The following TMEM11 variants were observed in gnomAD, a reference collection of about 807,000 sequenced individuals.
TMEM11 encodes the protein transmembrane protein 11, mitochondrial.
TMEM11 carries 1 observed loss-of-function variant against 17.0 expected under a neutral mutation model. The observed-to-expected ratio is 0.06, with a 90% confidence interval of 0.02 to 0.28. The LOEUF is 0.28. Ranked by LOEUF, TMEM11 falls within the 10% of genes least tolerant of loss-of-function variation. The probability of loss-of-function intolerance (pLI) is 1.00; values close to 1 mark genes in which losing one functional copy is unlikely to be tolerated. For synonymous variants in TMEM11, 122 were observed against 118.1 expected (o/e 1.03, Z -0.21); for missense variants, 172 against 252.9 (o/e 0.68, Z 2.17).
intron 1 of TMEM11, among the ~76,000 whole-genome samples, chr17:21,208,978 G>T (rs1014041774): frequency 5.9e-5 from 9 of 152,294 alleles, no homozygotes; most frequent in African/African-American, 1.2e-4. Flanking sequence ...TGCTGGGCTG[G>T]ACCTCCACCC....
intron 1 of TMEM11, among the ~76,000 whole-genome samples, chr17:21,208,230 G>A (rs1445601975): frequency 2.0e-5 from 3 of 152,012 alleles, no homozygotes; most frequent in African/African-American, 4.8e-5. Context: ...CTGACCTCGT[G>A]ATCCGCCCAC....
chr17:21,209,311 G>A (rs773789040), intron 1 of TMEM11, among the ~76,000 whole-genome samples: 5 of 152,278 alleles, frequency 3.3e-5, no homozygotes, highest in Non-Finnish European at 5.9e-5. Flanking sequence ...CAAAACACCC[G>A]GCCCCTCTGA....
intron 1 of TMEM11, among the ~76,000 whole-genome samples, chr17:21,207,844 C>T (rs1274993749): frequency 1.3e-5 from 2 of 151,754 alleles, no homozygotes; most frequent in East Asian, 2.0e-4. Flanking sequence ...GCCAAGATCA[C>T]ACCACTGCAC....
intron 1 of TMEM11, among the ~76,000 whole-genome samples, chr17:21,205,892 T>C (rs981963929): frequency 6.6e-6 from 1 of 152,168 alleles, no homozygotes; most frequent in African/African-American, 2.4e-5. Flanking sequence ...ATTTTCTTCC[T>C]TTTTAAGGCT....
chr17:21,208,125 T>A (rs1974963528), intron 1 of TMEM11, among the ~76,000 whole-genome samples: 1 of 151,218 alleles, frequency 6.6e-6, no homozygotes, highest in African/African-American at 2.4e-5. Flanking sequence ...CCAGAGTAGC[T>A]GGGACTACAG....
At chr17:21,207,760 C>T (rs912462968) in intron 1 of TMEM11, among the ~76,000 whole-genome samples, 6 of 150,892 alleles carry the variant, frequency 4.0e-5, no homozygotes, top group Non-Finnish European at 5.9e-5. Flanking sequence ...TGGTGACAGG[C>T]GCCTGTAATC....
At chr17:21,208,458 T>G (rs934390067) in intron 1 of TMEM11, 14 of 151,920 alleles carry the variant, frequency 9.2e-5, no homozygotes, top group African/African-American at 3.4e-4. Context: ...TCCAGAACCT[T>G]CTCGGTGTCC....
At chr17:21,208,235 G>A (rs1449844590) in intron 1 of TMEM11, among the ~76,000 whole-genome samples, 3 of 151,968 alleles carry the variant, frequency 2.0e-5, no homozygotes, top group Non-Finnish European at 4.4e-5. Flanking sequence ...CTCGTGATCC[G>A]CCCACCTCGG....
intron 1 of TMEM11, among the ~76,000 whole-genome samples, chr17:21,199,049 T>A (rs1224542): frequency 5.7e-4 from 87 of 152,082 alleles, no homozygotes; most frequent in African/African-American, 1.9e-3. Flanking sequence ...AAGCTGGGTG[T>A]GGTGGCTCAC....
intron 1 of TMEM11, among the ~76,000 whole-genome samples, chr17:21,211,530 A>G (rs1975002859): frequency 6.6e-6 from 1 of 152,252 alleles, no homozygotes; most frequent in Non-Finnish European, 1.5e-5. Context: ...TTCAGCACTA[A>G]TTCTAGAGCT....
intron 1 of TMEM11, among the ~76,000 whole-genome samples, chr17:21,202,308 G>C (rs188993347): frequency 1.3e-5 from 2 of 152,328 alleles, no homozygotes; most frequent in East Asian, 3.9e-4. Context: ...ACACCTTGGG[G>C]CGGGCACCAG....
intron 1 of TMEM11, among the ~76,000 whole-genome samples, chr17:21,212,748 C>A (rs1174639991): frequency 1.3e-5 from 2 of 152,172 alleles, no homozygotes; most frequent in Non-Finnish European, 2.9e-5. Flanking sequence ...GCGTATGTTT[C>A]TAATACTTTG....
intron 1 of TMEM11, among the ~76,000 whole-genome samples, chr17:21,199,698 C>G (rs1227136804): frequency 1.3e-5 from 2 of 152,234 alleles, no homozygotes; most frequent in Non-Finnish European, 2.9e-5. Context: ...GAAATCCAAA[C>G]TCCTTTGGCT....
intron 1 of TMEM11, among the ~76,000 whole-genome samples, chr17:21,207,975 A>G (rs1358706696): frequency 7.0e-6 from 1 of 141,874 alleles, no homozygotes; most frequent in Non-Finnish European, 1.5e-5. Context: ...GCTTTTCTAT[A>G]TTTTTTAAAA....
chr17:21,212,850 A>G (rs11650647), intron 1 of TMEM11, among the ~76,000 whole-genome samples: 47,581 of 152,086 alleles, frequency 0.31, 7,554 homozygotes, highest in Middle Eastern at 0.38. Flanking sequence ...CCATTGAGGT[A>G]ACTTATTTAA....
At chr17:21,201,415 A>G (rs1002267049) in intron 1 of TMEM11, among the ~76,000 whole-genome samples, 4 of 152,164 alleles carry the variant, frequency 2.6e-5, no homozygotes, top group African/African-American at 9.6e-5. Flanking sequence ...CCTCCTAAAC[A>G]TGGGTTGCTG....
chr17:21,206,366 CAT>C (rs1433418607), intron 1 of TMEM11, among the ~76,000 whole-genome samples: 2 of 152,216 alleles, frequency 1.3e-5, no homozygotes, highest in Non-Finnish European at 2.9e-5. Flanking sequence ...GGACTACAGA[CAT>C]GTGCTGCCAC....
At chr17:21,201,276 G>C (rs186130750) in intron 1 of TMEM11, among the ~76,000 whole-genome samples, 1 of 152,308 alleles carries the variant, frequency 6.6e-6, no homozygotes, top group East Asian at 1.9e-4. Context: ...TTGGGCAAAC[G>C]GAACTCTTTA....
intron 1 of TMEM11, among the ~76,000 whole-genome samples, chr17:21,201,936 T>C (rs1974886971): frequency 6.6e-6 from 1 of 152,208 alleles, no homozygotes; most frequent in Non-Finnish European, 1.5e-5. Context: ...TCCAGCCAGA[T>C]GCAGCATTTT....
Sources: allele counts gnomAD v4.1 joint callset (sites outside exome capture counted in the v4.1 genomes callset), GRCh38; gene constraint gnomAD v4.1.1; transcripts MANE v1.5; gene names NCBI Gene and HGNC (gene_info 2026-07-23, HGNC 2026-07-21).